Variants in ZDHHC14 observed in about 807,000 individuals in gnomAD.
ZDHHC14 encodes the protein zDHHC palmitoyltransferase 14, also known as palmitoyltransferase ZDHHC14.
ZDHHC14 carries 16 observed loss-of-function variants against 47.7 expected under a neutral mutation model. The ratio of observed to expected loss-of-function variants is 0.34; its 90% confidence interval spans 0.23 to 0.51. ZDHHC14 has a LOEUF of 0.51. Among genes scored for constraint, ZDHHC14 ranks in the 20% least tolerant of loss-of-function variants. The pLI, the probability that ZDHHC14 is intolerant of heterozygous loss-of-function variation, is 0.97. For missense variants in ZDHHC14, 515 were observed against 662.5 expected, an observed-to-expected ratio of 0.78 and a Z score of 2.44; for synonymous variants, 293 against 278.9, an observed-to-expected ratio of 1.05 and a Z score of -0.50.
intron 1 of ZDHHC14, among the ~76,000 whole-genome samples, chr6:157,462,738 A>T (rs1290109694): frequency 1.3e-5 from 2 of 152,238 alleles, no homozygotes; most frequent in Non-Finnish European, 2.9e-5. Flanking sequence ...GTGGGAAAAG[A>T]ATCCAGGGTT....
intron 1 of ZDHHC14, among the ~76,000 whole-genome samples, chr6:157,492,206 G>GCCCCCCCC (rs954347593): frequency 9.2e-4 from 76 of 82,510 alleles, no homozygotes; most frequent in African/African-American, 1.4e-3. Context: ...CTCCGCCCCC[G>GCCCCCCCC]CCCCCCAGCC....
At chr6:157,618,506 C>T (rs1471585174) in intron 3 of ZDHHC14, among the ~76,000 whole-genome samples, 1 of 152,046 alleles carries the variant, frequency 6.6e-6, no homozygotes, top group Non-Finnish European at 1.5e-5. Flanking sequence ...ATTTTTAATA[C>T]AGACGGGGTT....
rs931225859 is a variant in ZDHHC14, at chr6:157,489,302, G to A, written c.246-53283G>A. The stretch of plus-strand genomic sequence containing the variant: ...CCCGATACATAGAACAAACTCATGC[G>A]CAATCACTTCCTTCGTAAACGTTGT... On this transcript the variant is annotated intron_variant, in intron 1 of 8. Coordinates refer to ENST00000359775, the MANE Select transcript of ZDHHC14 (RefSeq NM_024630.3). Among the ~76,000 whole-genome samples the A allele has an allele frequency of 3.3e-5, 5 of 152,284 alleles. 1 individual carries two copies. Among genetic ancestry groups the A allele is most frequent in the South Asian group, 4.1e-4 (2 of 4,822 alleles).
intron 1 of ZDHHC14, among the ~76,000 whole-genome samples, chr6:157,479,155 C>T (rs548655859): frequency 3.9e-4 from 60 of 152,352 alleles, no homozygotes; most frequent in Admixed American, 3.3e-4. Context: ...ACCTCAGCCA[C>T]TAACCAGCTG....
chr6:157,465,611 AAAAAG>A (rs1562436282), intron 1 of ZDHHC14, among the ~76,000 whole-genome samples: 1 of 152,146 alleles, frequency 6.6e-6, no homozygotes, highest in Non-Finnish European at 1.5e-5. Flanking sequence ...GCTAAAAAAA[AAAAAG>A]AAATCTTCAA....
chr6:157,647,066 T>C (rs1419644874), intron 6 of ZDHHC14, among the ~76,000 whole-genome samples, 193 bp from the exon 7 acceptor site: 1 of 152,242 alleles, frequency 6.6e-6, no homozygotes, highest in Non-Finnish European at 1.5e-5. Context: ...TGTTATTCTT[T>C]CCCTATTCTA....
intron 1 of ZDHHC14, among the ~76,000 whole-genome samples, chr6:157,481,824 A>G (rs1779637502): frequency 6.6e-6 from 1 of 152,116 alleles, no homozygotes; most frequent in South Asian, 2.1e-4. Flanking sequence ...CTTTCTATCT[A>G]TCTATCTGTC....
chr6:157,632,999 C>G (rs1776778064), intron 5 of ZDHHC14, 117 bp downstream of exon 5: 4 of 1,056,616 alleles, frequency 3.8e-6, no homozygotes. Context: ...TATCTTATTC[C>G]AAAGAACTCC....
At chr6:157,522,021 A>AT (rs34084118) in intron 1 of ZDHHC14, among the ~76,000 whole-genome samples, 85,740 of 150,786 alleles carry the variant, frequency 0.57, 24,716 homozygotes, top group African/African-American at 0.67. Context: ...AACAAGTTGC[A>AT]TTTTTTTTTT....
intron 2 of ZDHHC14, among the ~76,000 whole-genome samples, chr6:157,555,047 G>T (rs906971230): frequency 1.2e-4 from 18 of 152,328 alleles, no homozygotes; most frequent in African/African-American, 4.3e-4. Context: ...ACCTTTGACA[G>T]ACTGGGTGAC....
intron 3 of ZDHHC14, among the ~76,000 whole-genome samples, chr6:157,617,400 T>A (rs1785010407): frequency 6.6e-6 from 1 of 152,148 alleles, no homozygotes; most frequent in South Asian, 2.1e-4. Context: ...TTGAATTTTT[T>A]AAAAAATGGG....
intron 1 of ZDHHC14, among the ~76,000 whole-genome samples, chr6:157,519,744 G>A (rs75246397): frequency 1.3e-5 from 2 of 152,080 alleles, no homozygotes; most frequent in East Asian, 1.9e-4. Flanking sequence ...AGGATTCATC[G>A]TTTTTTTGTT....
At chr6:157,540,783 T>C (rs536446110) in intron 1 of ZDHHC14, among the ~76,000 whole-genome samples, 1 of 147,734 alleles carries the variant, frequency 6.8e-6, no homozygotes, top group East Asian at 1.9e-4. Flanking sequence ...CTCTTTTCCC[T>C]AACCATTTTG....
chr6:157,556,162 T>C (rs1157673845), intron 2 of ZDHHC14, among the ~76,000 whole-genome samples: 1 of 150,742 alleles, frequency 6.6e-6, no homozygotes, highest in Non-Finnish European at 1.5e-5. Context: ...TCGGAGTAAT[T>C]AGTGGATTTG....
At chr6:157,430,514 C>T (rs910784756) in intron 1 of ZDHHC14, among the ~76,000 whole-genome samples, 1 of 152,156 alleles carries the variant, frequency 6.6e-6, no homozygotes, top group Non-Finnish European at 1.5e-5. Flanking sequence ...CTGCCTTCCT[C>T]TGTTTTGAAA....
chr6:157,469,749 C>T (rs928408151), intron 1 of ZDHHC14, among the ~76,000 whole-genome samples: 2 of 152,218 alleles, frequency 1.3e-5, no homozygotes, highest in African/African-American at 4.8e-5. Context: ...TACCGCCATT[C>T]ACAGCTCAGT....
intron 1 of ZDHHC14, among the ~76,000 whole-genome samples, chr6:157,464,080 G>T (rs1779154648): frequency 1.3e-5 from 2 of 152,166 alleles, no homozygotes; most frequent in African/African-American, 4.8e-5. Context: ...TTTAAAAGTT[G>T]TAGTAAGCAA....
At chr6:157,507,501 C>A (rs938790301) in intron 1 of ZDHHC14, among the ~76,000 whole-genome samples, 15 of 152,226 alleles carry the variant, frequency 9.9e-5, no homozygotes, top group African/African-American at 3.6e-4. Flanking sequence ...ACACTGGTCT[C>A]CAACTCCTGA....
intron 4 of ZDHHC14, 133 bp from the exon 5 acceptor site, chr6:157,632,700 TG>T (rs1785797713): frequency 1.2e-6 from 1 of 864,980 alleles, no homozygotes; most frequent in Non-Finnish European, 1.9e-6. Context: ...ATCGGTAAAC[TG>T]GGTGTCGTAG....
Sources: gnomAD v4.1 joint callset for allele counts (sites outside exome capture counted in the v4.1 genomes callset) on GRCh38, gnomAD v4.1.1 for gene constraint, MANE v1.5 for transcripts, NCBI Gene and HGNC (gene_info 2026-07-23, HGNC 2026-07-21) for gene names.